DRD3: variants seen among roughly 807,000 people sequenced by gnomAD.
DRD3 encodes dopamine receptor D3, also known as D(3) dopamine receptor.
In DRD3, 19 loss-of-function variants were observed where a neutral mutation model predicts 36.3. That is an observed-to-expected ratio of 0.52 (90% CI 0.36 to 0.77). The LOEUF is 0.77. DRD3 is among the 30% of genes least tolerant of loss of function. The pLI is 0.00. For missense variants in DRD3, 465 were observed against 505.3 expected, an observed-to-expected ratio of 0.92 and a Z score of 0.77; for synonymous variants, 195 against 203.7, an observed-to-expected ratio of 0.96 and a Z score of 0.36.
chr3:114,182,853 A>G (rs1190037141), upstream of DRD3, among the ~76,000 whole-genome samples: 1 of 152,224 alleles, frequency 6.6e-6, no homozygotes, highest in Admixed American at 6.5e-5. Flanking sequence ...TCAAGGCTGA[A>G]TAATATTCAA....
intron 4 of DRD3, among the ~76,000 whole-genome samples, chr3:114,145,248 C>T (rs1051445786): frequency 1.3e-5 from 2 of 152,158 alleles, no homozygotes; most frequent in African/African-American, 4.8e-5. Context: ...AACAAGGTTA[C>T]AGAAGGTGAC....
At position 114,172,009 on chromosome 3, in the gene DRD3, C is replaced by T. The variant is rs540966161; in HGVS notation, c.-17G>A. 1.3e-5 allele frequency: 18 copies of T among 1,419,226 alleles called. No individual in the cohort carries two copies. The African/African-American group carries it at 1.5e-4, about 11-fold the overall frequency. 87.9% of individuals were successfully genotyped at this position (1,419,226 alleles called of 1,614,324 possible). On this transcript the variant is annotated 5_prime_UTR_variant, in exon 2 of 7. Transcript: ENST00000383673. ...AGATGCCATAGCCCAGAGGGAGGTG[C>T]GTGATGCCAAGGGGCTTCCTGTGAG... is the stretch of plus-strand genomic sequence containing the variant.
intron 2 of DRD3, among the ~76,000 whole-genome samples, chr3:114,168,870 C>T (rs559903240): frequency 6.6e-6 from 1 of 152,280 alleles, no homozygotes; most frequent in South Asian, 2.1e-4. Context: ...CAAAATGAGC[C>T]AATTTTCCTT....
chr3:114,176,686 A>G (rs1229141927), intron 1 of DRD3, among the ~76,000 whole-genome samples: 1 of 152,170 alleles, frequency 6.6e-6, no homozygotes, highest in Admixed American at 6.5e-5. Flanking sequence ...CTTCAGTAAC[A>G]GGGTTCCATG....
intron 1 of DRD3, among the ~76,000 whole-genome samples, chr3:114,178,279 A>G (rs535281808): frequency 1.3e-5 from 2 of 152,190 alleles, no homozygotes; most frequent in Admixed American, 6.5e-5. Context: ...AGGGTGCTGA[A>G]TTGAGGAGTT....
intron 1 of DRD3, among the ~76,000 whole-genome samples, chr3:114,187,442 C>T (rs1487362425): frequency 6.6e-6 from 1 of 152,186 alleles, no homozygotes; most frequent in African/African-American, 2.4e-5. Flanking sequence ...TCAGTTCTCC[C>T]CAGCAGACAG....
At chr3:114,174,351 G>A (rs979523088) in intron 1 of DRD3, among the ~76,000 whole-genome samples, 3 of 152,164 alleles carry the variant, frequency 2.0e-5, no homozygotes, top group African/African-American at 7.2e-5. Flanking sequence ...GGTGAATAAT[G>A]TCTTAGCCTC....
Position 114,131,383 on chromosome 3 carries a change from C to A in DRD3, c.741G>T (p.Pro247=). 6.2e-7 allele frequency: 1 copy of A among 1,613,752 alleles called. No homozygotes were observed. The highest frequency in any genetic ancestry group is 1.1e-5 in the South Asian group (1 of 91,056). The change falls in exon 6 of 7, where the codon CCG becomes CCT. Residue 247 remains proline (P), a synonymous_variant. Coordinates refer to ENST00000383673, the MANE Select transcript of DRD3 (RefSeq NM_000796.6). ...AGTAACGCTTCAGCTCCAGATGTGC[C>A]GGGTCAGGAGAGAGGGTCTGCAGGT... is the stretch of plus-strand genomic sequence containing the variant. ...GFPQQTLSPD[P]AHLELKRYYS...
intron 6 of DRD3, among the ~76,000 whole-genome samples, chr3:114,130,242 G>GAGTCA (rs1322636437): frequency 6.6e-6 from 1 of 152,076 alleles, no homozygotes; most frequent in Non-Finnish European, 1.5e-5. Flanking sequence ...CTAGGCAACA[G>GAGTCA]AGTCAGACCA....
chr3:114,181,626 C>T (rs1490492073), upstream of DRD3, among the ~76,000 whole-genome samples: 1 of 152,194 alleles, frequency 6.6e-6, no homozygotes, highest in Non-Finnish European at 1.5e-5. Flanking sequence ...ATCTCAATAG[C>T]ATGGCTGGAA....
intron 5 of DRD3, among the ~76,000 whole-genome samples, chr3:114,137,577 G>C (rs1177030651): frequency 1.3e-5 from 2 of 152,136 alleles, no homozygotes; most frequent in Admixed American, 1.3e-4. Context: ...ATCAGGCTGG[G>C]CACTTATGCC....
At chr3:114,157,896 A>C (rs324033) in intron 3 of DRD3, among the ~76,000 whole-genome samples, 109,757 of 152,026 alleles carry the variant, frequency 0.72, 44,171 homozygotes, top group Non-Finnish European at 0.89. Flanking sequence ...TGAGGTTGGG[A>C]GTTCGAGACC....
chr3:114,198,227 G>GT (rs200062922), intron 1 of DRD3, among the ~76,000 whole-genome samples: 110 of 146,096 alleles, frequency 7.5e-4, no homozygotes, highest in African/African-American at 1.5e-3. Flanking sequence ...TAATTTCTGT[G>GT]TTTTTTTTTT....
intron 5 of DRD3, among the ~76,000 whole-genome samples, chr3:114,135,679 T>A (rs2077468436): frequency 6.7e-6 from 1 of 149,230 alleles, no homozygotes; most frequent in South Asian, 2.1e-4. Flanking sequence ...TTTTTGTTTG[T>A]TTTTTTTTGT....
rs766862523 is a variant in DRD3 at position 114,159,839 on chromosome 3, C to G, written c.299G>C (p.Arg100Pro). The change falls in exon 3 of 7, where the codon CGC (arginine) becomes CCC (proline). Residue 100 changes from arginine to proline, a missense_variant. Arg to Pro is a moderately radical substitution (Grantham distance 103). Transcript: ENST00000383673. ...EVTGGVWNFS[R>P]ICCDVFVTLD... ...GGTGACAAAAACATCACAGCAAATGCGGCTGAAATTCCAGACTCCACCTGT... is the reference window on the plus strand; with the variant it reads ...GGTGACAAAAACATCACAGCAAATGGGGCTGAAATTCCAGACTCCACCTGT... 12 of 1,614,042 alleles carry G rather than the reference C, an allele frequency of 7.4e-6. No individual in the cohort carries two copies. The Admixed American group carries it at 2.0e-4, about 27-fold the overall frequency.
intron 1 of DRD3, among the ~76,000 whole-genome samples, chr3:114,189,669 G>A (rs919993041): frequency 1.3e-5 from 2 of 152,182 alleles, no homozygotes; most frequent in East Asian, 3.9e-4. Context: ...TTTTTAGATA[G>A]AGCATGCACC....
intron 1 of DRD3, among the ~76,000 whole-genome samples, chr3:114,176,577 C>T (rs1396874221): frequency 2.0e-5 from 3 of 152,118 alleles, no homozygotes; most frequent in African/African-American, 4.8e-5. Flanking sequence ...TGCACTCCAG[C>T]CTGGGTGACA....
chr3:114,177,562 A>G (rs141257725), intron 1 of DRD3, among the ~76,000 whole-genome samples: 39 of 152,284 alleles, frequency 2.6e-4, no homozygotes, highest in African/African-American at 7.9e-4. Context: ...ACAAACTTCA[A>G]TGCATTAGAA....
At chr3:114,148,030 G>A (rs1044856713) in intron 3 of DRD3, among the ~76,000 whole-genome samples, 1 of 152,200 alleles carries the variant, frequency 6.6e-6, no homozygotes, top group African/African-American at 2.4e-5. Context: ...TTAGTTAGAG[G>A]AAGAGAGAAA....
Sources: gnomAD v4.1 joint callset for allele counts (sites outside exome capture counted in the v4.1 genomes callset) on GRCh38, gnomAD v4.1.1 for gene constraint, MANE v1.5 for transcripts, NCBI Gene and HGNC (gene_info 2026-07-23, HGNC 2026-07-21) for gene names.